GALNT7: variants seen among roughly 807,000 people sequenced by gnomAD.
GALNT7 encodes polypeptide N-acetylgalactosaminyltransferase 7.
GALNT7 carries 60 observed loss-of-function variants against 82.1 expected under a neutral mutation model. The ratio of observed to expected loss-of-function variants is 0.73; its 90% CI spans 0.59 to 0.91. GALNT7 has a LOEUF of 0.91. GALNT7 is among the 40% of genes least tolerant of loss of function. GALNT7 has a pLI of 0.00. For synonymous variants in GALNT7, 243 were observed against 275.1 expected (o/e 0.88, Z 1.15); for missense variants, 660 against 804.2 (o/e 0.82, Z 2.17).
intron 2 of GALNT7, among the ~76,000 whole-genome samples, chr4:173,250,037 T>C (rs1028155701): frequency 1.3e-5 from 2 of 152,210 alleles, no homozygotes; most frequent in Admixed American, 1.3e-4. Context: ...TATAAAGTTA[T>C]TGAATTCTCA....
chr4:173,254,847 G>A (rs1409335616), intron 2 of GALNT7, among the ~76,000 whole-genome samples: 2 of 152,200 alleles, frequency 1.3e-5, no homozygotes, highest in Non-Finnish European at 2.9e-5. Flanking sequence ...TTACTGACCT[G>A]AAAATTTTTA....
chr4:173,242,820 C>T (rs889258785), intron 1 of GALNT7, among the ~76,000 whole-genome samples: 3 of 152,200 alleles, frequency 2.0e-5, no homozygotes, highest in Admixed American at 1.3e-4. Flanking sequence ...TTTATTTTTA[C>T]CACCTCCCTC....
At chr4:173,200,296 A>C (rs941311793) in intron 1 of GALNT7, among the ~76,000 whole-genome samples, 1 of 151,772 alleles carries the variant, frequency 6.6e-6, no homozygotes, top group East Asian at 1.9e-4. Flanking sequence ...AGAGAGTCAC[A>C]TTTTCCCTTG....
intron 1 of GALNT7, among the ~76,000 whole-genome samples, chr4:173,208,336 AT>A (rs766215075): frequency 1.3e-5 from 2 of 152,168 alleles, no homozygotes; most frequent in African/African-American, 2.4e-5. Context: ...GATAGAAAAG[AT>A]GTGAATTTGA....
chr4:173,293,001 T>G (rs926618952), intron 3 of GALNT7, among the ~76,000 whole-genome samples: 4 of 152,174 alleles, frequency 2.6e-5, no homozygotes, highest in African/African-American at 9.6e-5. Context: ...ATAACAATAA[T>G]GTTTTCATTA....
chr4:173,282,228 C>G (rs929775519), intron 2 of GALNT7, among the ~76,000 whole-genome samples: 5 of 152,178 alleles, frequency 3.3e-5, no homozygotes, highest in African/African-American at 1.2e-4. Context: ...TTCTGTATAA[C>G]TGTGGGTTTG....
intron 2 of GALNT7, among the ~76,000 whole-genome samples, chr4:173,282,660 G>A (rs1736155711): frequency 6.6e-6 from 1 of 152,104 alleles, no homozygotes; most frequent in Non-Finnish European, 1.5e-5. Context: ...TCAGAAAAAA[G>A]GTGCGTTTAA....
In GALNT7 at chr4:173,292,008, T is replaced by C. The variant is rs1236238565; in HGVS notation, c.588-100T>C. ...CTATATTTCATTCACTTACCGTAGT[T>C]AAGTCGATAGTATGTAATCCAATCA... On this transcript the variant is annotated intron_variant, in intron 2 of 11. Coordinates refer to ENST00000265000, the MANE Select transcript of GALNT7 (RefSeq NM_017423.3). The surrounding 1 kb of genome is among the most constrained non-coding windows in gnomAD (Gnocchi z 4.8). 1.4e-6 allele frequency: 1 copy of C among 699,712 alleles called. No homozygotes were observed. The highest frequency in any genetic ancestry group is 1.9e-5 in the African/African-American group (1 of 53,594). The allele number at this position is 699,712 out of a possible 1,614,324, so 43.3% of individuals were successfully genotyped here.
At chr4:173,315,662 A>G (rs1395481535) in intron 9 of GALNT7, among the ~76,000 whole-genome samples, 2 of 148,494 alleles carry the variant, frequency 1.3e-5, no homozygotes, top group Non-Finnish European at 1.5e-5. Flanking sequence ...CTTTTTCCCT[A>G]TACTCTTATT....
At chr4:173,258,900 T>A (rs1223329860) in intron 2 of GALNT7, among the ~76,000 whole-genome samples, 1 of 152,240 alleles carries the variant, frequency 6.6e-6, no homozygotes, top group East Asian at 1.9e-4. Context: ...TATTGCAGAA[T>A]TTTTTCTTGC....
intron 1 of GALNT7, among the ~76,000 whole-genome samples, chr4:173,231,835 A>G (rs1345043241): frequency 6.6e-6 from 1 of 152,228 alleles, no homozygotes; most frequent in East Asian, 1.9e-4. Flanking sequence ...TTTAGGAGAA[A>G]GGAAGACACA....
chr4:173,308,148 C>T (rs1237799285), intron 8 of GALNT7, among the ~76,000 whole-genome samples: 1 of 152,156 alleles, frequency 6.6e-6, no homozygotes, highest in Admixed American at 6.5e-5. Flanking sequence ...TGTGTTGCTG[C>T]AGATTCTTCA....
chr4:173,276,384 T>C (rs1735913816), intron 2 of GALNT7, among the ~76,000 whole-genome samples: 1 of 152,096 alleles, frequency 6.6e-6, no homozygotes, highest in Non-Finnish European at 1.5e-5. Context: ...GATAATAACA[T>C]TGGAAAAAGG....
At chr4:173,296,709 AT>A (rs1225868288) in intron 5 of GALNT7, among the ~76,000 whole-genome samples, 1 of 152,200 alleles carries the variant, frequency 6.6e-6, no homozygotes, top group African/African-American at 2.4e-5. Context: ...TGCACCATGT[AT>A]TTAGGAATGT....
chr4:173,261,321 A>G (rs1735250282), intron 2 of GALNT7, among the ~76,000 whole-genome samples: 1 of 152,154 alleles, frequency 6.6e-6, no homozygotes, highest in African/African-American at 2.4e-5. Context: ...ATGTATATCC[A>G]GAGAAAACCC....
At chr4:173,248,659 T>C (rs1734748090) in intron 2 of GALNT7, among the ~76,000 whole-genome samples, 1 of 152,160 alleles carries the variant, frequency 6.6e-6, no homozygotes, top group South Asian at 2.1e-4. Context: ...GCCCTCTACG[T>C]CAGTGCTATT....
chr4:173,168,890 C>A lies in GALNT7; in HGVS notation c.55C>A (p.Leu19Met). 1 of 1,613,714 alleles carries A rather than the reference C, an allele frequency of 6.2e-7. No individual in the cohort carries two copies. Among genetic ancestry groups the A allele is most frequent in the Non-Finnish European group, 8.5e-7 (1 of 1,179,718 alleles). ...CAGTTTGCTGGTGGTGGGAAGCTTCCTGGGGCTAGTGGTCCTCTGGTCTTC... is the reference window on the plus strand; with the variant it reads ...CAGTTTGCTGGTGGTGGGAAGCTTCATGGGGCTAGTGGTCCTCTGGTCTTC... Reference protein sequence around the residue: ...LRSLLVVGSFLGLVVLWSSLT... With the variant: ...LRSLLVVGSFMGLVVLWSSLT... The change falls in exon 1 of 12, where the codon CTG becomes ATG. Residue 19 changes from leucine (L) to methionine (M), a missense_variant. Coordinates refer to ENST00000265000, the MANE Select transcript of GALNT7 (RefSeq NM_017423.3).
intron 1 of GALNT7, among the ~76,000 whole-genome samples, chr4:173,239,948 A>G (rs1311835871): frequency 1.3e-5 from 2 of 152,206 alleles, no homozygotes; most frequent in Admixed American, 6.5e-5. Flanking sequence ...CTGAGTAAAT[A>G]TAACGGATTT....
intron 1 of GALNT7, among the ~76,000 whole-genome samples, chr4:173,209,816 G>C (rs1026639145): frequency 5.9e-5 from 9 of 152,200 alleles, no homozygotes; most frequent in African/African-American, 2.2e-4. Flanking sequence ...TTGTGCTCAG[G>C]CAGAATTAGG....
Sources: allele counts gnomAD v4.1 joint callset (sites outside exome capture counted in the v4.1 genomes callset), GRCh38; gene constraint gnomAD v4.1.1; non-coding constraint Gnocchi (gnomAD v3.1); transcripts MANE v1.5; gene names NCBI Gene and HGNC (gene_info 2026-07-23, HGNC 2026-07-21).